Variants in OR56A3 observed in about 807,000 individuals in gnomAD.
OR56A3 encodes olfactory receptor 56A3.
A neutral mutation model predicts 17.5 loss-of-function variants in OR56A3; 23 were observed. That is an observed-to-expected ratio of 1.32 (90% confidence interval 0.95 to 1.87). The LOEUF (loss-of-function observed/expected upper bound fraction) is 1.87. Among genes scored for constraint, OR56A3 ranks in the 40% most tolerant of loss-of-function variants. The pLI is 0.00. For missense variants in OR56A3, 366 were observed against 380.1 expected (o/e 0.96, Z 0.31); for synonymous variants, 175 against 150.6 (o/e 1.16, Z -1.19).
chr11:5,946,852 T>G (rs189572135), intron 2 of OR56A3, among the ~76,000 whole-genome samples: 1 of 152,344 alleles, frequency 6.6e-6, no homozygotes, highest in Admixed American at 6.5e-5. Flanking sequence ...CATGGGGACA[T>G]GGGGACTAGG....
chr11:5,947,246 CA>C, intron 2 of OR56A3, 64 bp from the exon 3 acceptor site: 3 of 1,131,274 alleles, frequency 2.7e-6, no homozygotes, highest in African/African-American at 3.1e-5. Context: ...GTACCTATGA[CA>C]AACAAATTGT....
At chr11:6,013,396 G>A in the OR56A3 span, among the ~76,000 whole-genome samples, 12 of 152,300 alleles carry the variant, frequency 7.9e-5, no homozygotes, top group South Asian at 1.2e-3. Flanking sequence ...TTGTTGGGGG[G>A]ATCCTCCAGG....
chr11:5,947,643 T>A lies in OR56A3; in HGVS notation c.297T>A (p.Pro99=), dbSNP rs761081687. The A allele has an allele frequency of 3.1e-6, 5 of 1,614,110 alleles. No individual in the cohort carries two copies. The highest frequency in any genetic ancestry group is 2.2e-5 in the East Asian group (1 of 44,888). Residue 99 remains proline, a synonymous_variant, in exon 3 of 3, where the codon CCT becomes CCA. Coordinates refer to ENST00000641160, the MANE Select transcript of OR56A3 (RefSeq NM_001003443.3). ...FWFDLRPISF[P]ACFLQMYIMN... ...TTGACCTCAGGCCCATCAGCTTCCCTGCCTGCTTCCTCCAGATGTACATCA... is the reference window on the plus strand; with the variant it reads ...TTGACCTCAGGCCCATCAGCTTCCCAGCCTGCTTCCTCCAGATGTACATCA...
Position 5,948,300 on chromosome 11 carries a change from AC to A in OR56A3, c.*8del, listed in dbSNP as rs752843673. ...TGTTGAAGAAAGGGTGCTAACAAGG[AC>A]CACTGGATCTCTGAATATCTAAAAT... On this transcript the variant is annotated 3_prime_UTR_variant, in exon 3 of 3. Coordinates refer to ENST00000641160, the MANE Select transcript of OR56A3 (RefSeq NM_001003443.3). 1 of 1,579,144 alleles carries A rather than the reference AC, an allele frequency of 6.3e-7. No homozygotes were observed.
chr11:5,968,796 T>A, the OR56A3 span, among the ~76,000 whole-genome samples: 3 of 152,074 alleles, frequency 2.0e-5, no homozygotes, highest in East Asian at 1.9e-4. Context: ...ACAAAAAAAA[T>A]TCCAAATTAT....
chr11:5,986,241 C>G, the OR56A3 span: 1 of 1,613,752 alleles, frequency 6.2e-7, no homozygotes, highest in Non-Finnish European at 8.5e-7. Context: ...CACCAATGGC[C>G]AGAACATCCA....
chr11:5,959,728 T>G, the OR56A3 span, among the ~76,000 whole-genome samples: 25 of 152,188 alleles, frequency 1.6e-4, no homozygotes, highest in African/African-American at 6.0e-4. Context: ...AGGTCACATC[T>G]AAATAATCAT....
chr11:5,952,284 G>T (rs562688296), downstream of OR56A3, among the ~76,000 whole-genome samples: 28 of 152,286 alleles, frequency 1.8e-4, no homozygotes, highest in East Asian at 5.2e-3. Context: ...ATAGTGGAAG[G>T]TGTAGGAAGA....
At chr11:6,002,775 T>G in the OR56A3 span, 8 of 1,613,786 alleles carry the variant, frequency 5.0e-6, no homozygotes, top group Non-Finnish European at 6.8e-6. Flanking sequence ...GAGCACGATG[T>G]CCAGCAGGGA....
the OR56A3 span, chr11:5,967,427 A>C: frequency 1.4e-6 from 1 of 697,276 alleles, no homozygotes; most frequent in Non-Finnish European, 2.4e-6. Flanking sequence ...TAATCAATTG[A>C]AACACTGAAG....
At chr11:5,992,608 T>C in the OR56A3 span, among the ~76,000 whole-genome samples, 1 of 152,184 alleles carries the variant, frequency 6.6e-6, no homozygotes, top group Non-Finnish European at 1.5e-5. Context: ...CTCTCCTCTG[T>C]AGGATTGTGA....
At chr11:5,988,781 C>A in the OR56A3 span, among the ~76,000 whole-genome samples, 1 of 152,186 alleles carries the variant, frequency 6.6e-6, no homozygotes, top group Non-Finnish European at 1.5e-5. Flanking sequence ...GAAGTATCAA[C>A]TTTGTCCATG....
chr11:5,977,013 C>G, the OR56A3 span, among the ~76,000 whole-genome samples: 9 of 152,144 alleles, frequency 5.9e-5, no homozygotes, highest in African/African-American at 2.2e-4. Flanking sequence ...ACAATGGTTT[C>G]CTGCTGCATC....
chr11:5,979,352 C>T, the OR56A3 span, among the ~76,000 whole-genome samples: 1 of 146,986 alleles, frequency 6.8e-6, no homozygotes, highest in Non-Finnish European at 1.5e-5. Context: ...TGATCTAGGG[C>T]TTTTTCTGGT....
At chr11:5,974,454 C>G in the OR56A3 span, among the ~76,000 whole-genome samples, 1 of 152,126 alleles carries the variant, frequency 6.6e-6, no homozygotes, top group African/African-American at 2.4e-5. Flanking sequence ...CTGTCTGTTT[C>G]CTGCTCATAT....
chr11:5,961,650 C>T, the OR56A3 span, among the ~76,000 whole-genome samples: 5 of 151,620 alleles, frequency 3.3e-5, no homozygotes, highest in Non-Finnish European at 7.4e-5. Flanking sequence ...AACCAGAGAC[C>T]TTTGTTCACA....
chr11:6,021,749 T>C, the OR56A3 span: 2 of 151,828 alleles, frequency 1.3e-5, no homozygotes, highest in Admixed American at 6.6e-5. Flanking sequence ...TAAAAAGCAA[T>C]GATCAGGACA....
At chr11:5,974,463 A>G in the OR56A3 span, among the ~76,000 whole-genome samples, 132 of 152,240 alleles carry the variant, frequency 8.7e-4, no homozygotes, top group African/African-American at 2.9e-3. Context: ...TCCTGCTCAT[A>G]TTGTAAATGG....
the OR56A3 span, among the ~76,000 whole-genome samples, chr11:5,979,572 T>C: frequency 6.6e-6 from 1 of 152,150 alleles, no homozygotes; most frequent in African/African-American, 2.4e-5. Flanking sequence ...AATGTCCTCT[T>C]TGTCATTTCT....
Sources: allele counts gnomAD v4.1 joint callset (sites outside exome capture counted in the v4.1 genomes callset), GRCh38; gene constraint gnomAD v4.1.1; transcripts MANE v1.5; gene names NCBI Gene and HGNC (gene_info 2026-07-23, HGNC 2026-07-21).